PTBP3: variants seen among roughly 807,000 people sequenced by gnomAD.
PTBP3 encodes polypyrimidine tract binding protein 3, also known as polypyrimidine tract-binding protein 3.
In PTBP3, 20 loss-of-function variants were observed where a neutral mutation model predicts 58.7. That is an observed-to-expected ratio of 0.34 (90% CI 0.24 to 0.50). The LOEUF is 0.50. Among genes scored for constraint, PTBP3 ranks in the 20% least tolerant of loss-of-function variants. The pLI, the probability that PTBP3 is intolerant of heterozygous loss-of-function variation, is 0.98. For missense variants in PTBP3, 509 were observed against 637.2 expected (o/e 0.80, Z 2.17); for synonymous variants, 185 against 219.8 (o/e 0.84, Z 1.40).
intron 2 of PTBP3, among the ~76,000 whole-genome samples, chr9:112,287,061 T>G (rs1391666596): frequency 6.6e-6 from 1 of 152,156 alleles, no homozygotes; most frequent in Non-Finnish European, 1.5e-5. Context: ...CTGGCTACTT[T>G]TAAGATTTAC....
At chr9:112,313,236 G>A (rs1420055848) in intron 1 of PTBP3, among the ~76,000 whole-genome samples, 2 of 151,928 alleles carry the variant, frequency 1.3e-5, no homozygotes, top group Admixed American at 1.3e-4. Context: ...ACAGGGTCTC[G>A]CTCTGTCACC....
At chr9:112,366,837 C>A in the PTBP3 span, among the ~76,000 whole-genome samples, 1 of 152,154 alleles carries the variant, frequency 6.6e-6, no homozygotes, top group Non-Finnish European at 1.5e-5. Flanking sequence ...TCACCATTCA[C>A]CTGGAAAAGC....
intron 1 of PTBP3, among the ~76,000 whole-genome samples, chr9:112,300,177 G>C (rs541195000): frequency 6.6e-6 from 1 of 152,102 alleles, no homozygotes; most frequent in Non-Finnish European, 1.5e-5. Flanking sequence ...GTACCACTTG[G>C]AAAACTGTCT....
intron 1 of PTBP3, among the ~76,000 whole-genome samples, chr9:112,328,373 T>C (rs1228178862): frequency 9.9e-5 from 15 of 152,238 alleles, no homozygotes; most frequent in Admixed American, 7.9e-4. Context: ...TCTAAGCCTA[T>C]AAAAATATAG....
At chr9:112,249,630 T>C (rs1338066676) in intron 7 of PTBP3, among the ~76,000 whole-genome samples, 1 of 152,142 alleles carries the variant, frequency 6.6e-6, no homozygotes, top group Non-Finnish European at 1.5e-5. Context: ...GATTTACTAA[T>C]AACATTAATG....
chr9:112,233,155 T>C (rs761580205), intron 8 of PTBP3, among the ~76,000 whole-genome samples: 8 of 152,046 alleles, frequency 5.3e-5, no homozygotes, highest in East Asian at 1.9e-4. Context: ...ACGAAATCAA[T>C]AGCCTTCACA....
rs543467188 is a variant in PTBP3, at chr9:112,275,362, T to A, written c.204+482A>T. 1.2e-4 allele frequency among the ~76,000 whole-genome samples: 18 copies of A among 152,270 alleles called. No homozygotes were observed. The South Asian group carries it at 2.7e-3, about 23-fold the overall frequency. ...GTTGCCCAGGCTGATCTCGAACTCC[T>A]GACCTCAGGTGATCCGCCCACCTCG... On this transcript the variant is annotated intron_variant, in intron 3 of 13. Transcript: ENST00000374257.
the PTBP3 span, among the ~76,000 whole-genome samples, chr9:112,367,252 C>T: frequency 6.6e-6 from 1 of 152,034 alleles, no homozygotes; most frequent in Non-Finnish European, 1.5e-5. Flanking sequence ...ATTTATGTAC[C>T]CCCATTACTA....
chr9:112,260,418 C>A (rs1836546650), intron 5 of PTBP3, among the ~76,000 whole-genome samples: 2 of 152,214 alleles, frequency 1.3e-5, no homozygotes, highest in South Asian at 4.1e-4. Flanking sequence ...GTATCTGTAA[C>A]TGCTATGCCA....
chr9:112,227,336 A>C (rs6477900), intron 12 of PTBP3, 75 bp downstream of exon 12: 20 of 1,489,832 alleles, frequency 1.3e-5, no homozygotes, highest in Middle Eastern at 1.7e-4. Flanking sequence ...CAATTTCAGA[A>C]GTTTTAACCT....
upstream of PTBP3, among the ~76,000 whole-genome samples, chr9:112,335,520 G>C (rs1830564768): frequency 6.7e-6 from 1 of 150,254 alleles, no homozygotes; most frequent in Non-Finnish European, 1.5e-5. Flanking sequence ...TCCTGACCTT[G>C]TGATCCACCC....
rs193262827 is a variant in PTBP3 at position 112,275,057 on chromosome 9, G to A, written c.204+787C>T. The stretch of plus-strand genomic sequence containing the variant: ...TATTTTAAAGAATGAAGTGTTGCTC[G>A]GTTCTAGAATCACAAATAGAAGCCA... On this transcript the variant is annotated intron_variant, in intron 3 of 13. Coordinates refer to ENST00000374257, the MANE Select transcript of PTBP3 (RefSeq NM_001163788.4). Among the ~76,000 whole-genome samples the A allele has an allele frequency of 1.2e-3, 186 of 152,170 alleles. 1 individual carries two copies. The highest frequency in any genetic ancestry group is 4.1e-3 in the African/African-American group (170 of 41,512).
chr9:112,340,646 G>A, the PTBP3 span, among the ~76,000 whole-genome samples: 2 of 152,156 alleles, frequency 1.3e-5, no homozygotes, highest in African/African-American at 4.8e-5. Flanking sequence ...ACTTTGGGAG[G>A]CTGAGGCGGG....
At chr9:112,252,410 T>C (rs1836163226) in intron 6 of PTBP3, 3 of 418,054 alleles carry the variant, frequency 7.2e-6, no homozygotes, top group Admixed American at 4.1e-5. Flanking sequence ...GAGTACTGTG[T>C]TCAATTCTAG....
At chr9:112,228,771 T>C (rs1391241506) in intron 10 of PTBP3, among the ~76,000 whole-genome samples, 1 of 152,172 alleles carries the variant, frequency 6.6e-6, no homozygotes, top group Non-Finnish European at 1.5e-5. Flanking sequence ...ACACAGTTGC[T>C]CCAGCCAGAA....
rs1428289341 is a variant in PTBP3 at position 112,312,123 on chromosome 9, T to TA, written c.-51-14208dup. ...TATTTAGGGGTTAAAGAATAAACTC[T>TA]AGTCTCAAAGCATCTTCCAACAAAT... On this transcript the variant is annotated intron_variant, in intron 1 of 13. Transcript: ENST00000374257. 3.3e-5 allele frequency among the ~76,000 whole-genome samples: 5 copies of TA among 152,318 alleles called. No individual in the cohort carries two copies. The South Asian group carries it at 6.2e-4, about 19-fold the overall frequency.
At chr9:112,233,748 T>C (rs890146572) in intron 8 of PTBP3, among the ~76,000 whole-genome samples, 1 of 152,130 alleles carries the variant, frequency 6.6e-6, no homozygotes, top group Non-Finnish European at 1.5e-5. Context: ...CTAGCCAACA[T>C]GGCGAAACCC....
At chr9:112,259,836 T>C (rs55858637) in intron 5 of PTBP3, among the ~76,000 whole-genome samples, 140 of 152,372 alleles carry the variant, frequency 9.2e-4, no homozygotes, top group Non-Finnish European at 1.7e-3. Context: ...TATGCCATTA[T>C]TTATGAAATT....
chr9:112,265,362 G>T (rs1163337852), intron 4 of PTBP3, among the ~76,000 whole-genome samples: 1 of 148,878 alleles, frequency 6.7e-6, no homozygotes, highest in Non-Finnish European at 1.5e-5. Flanking sequence ...AATTAGCTGG[G>T]CGTGGTGGCT....
Sources: gnomAD v4.1 joint callset for allele counts (sites outside exome capture counted in the v4.1 genomes callset) on GRCh38, gnomAD v4.1.1 for gene constraint, MANE v1.5 for transcripts, NCBI Gene and HGNC (gene_info 2026-07-23, HGNC 2026-07-21) for gene names.